Variants in NRXN3 observed in about 807,000 individuals in gnomAD.
The protein encoded by NRXN3 is neurexin 3, also known as neurexin III.
A neutral mutation model predicts 137.6 loss-of-function variants in NRXN3; 32 were observed. That is an observed-to-expected ratio of 0.23 (90% CI 0.18 to 0.31). The LOEUF (loss-of-function observed/expected upper bound fraction) is 0.31. NRXN3 is among the 10% of genes least tolerant of loss of function. NRXN3 has a pLI of 1.00. For synonymous variants in NRXN3, 798 were observed against 784.5 expected, an observed-to-expected ratio of 1.02 and a Z score of -0.29; for missense variants, 1,574 against 2,062.5, an observed-to-expected ratio of 0.76 and a Z score of 4.59.
At chr14:78,345,569 C>A (rs1229968699) in intron 4 of NRXN3, among the ~76,000 whole-genome samples, 2 of 152,140 alleles carry the variant, frequency 1.3e-5, no homozygotes, top group African/African-American at 4.8e-5. Context: ...GACAAAGGGG[C>A]AGGGGCTTAA....
chr14:79,736,283 G>C (rs1289825622), intron 19 of NRXN3, among the ~76,000 whole-genome samples: 4 of 152,126 alleles, frequency 2.6e-5, no homozygotes, highest in African/African-American at 9.7e-5. Flanking sequence ...GTACTTATAA[G>C]GGTGAGTTTC....
At chr14:79,080,062 A>G (rs2046671889) in intron 15 of NRXN3, among the ~76,000 whole-genome samples, 2 of 152,170 alleles carry the variant, frequency 1.3e-5, no homozygotes, top group African/African-American at 4.8e-5. Context: ...TATGCCATTC[A>G]GTCTGATTAA....
At chr14:78,891,947 A>G (rs1368021011) in intron 10 of NRXN3, among the ~76,000 whole-genome samples, 1 of 152,008 alleles carries the variant, frequency 6.6e-6, no homozygotes, top group African/African-American at 2.4e-5. Flanking sequence ...ATGGAAATAC[A>G]AAGACAGAAT....
At chr14:78,309,633 G>T (rs1001131276) in intron 4 of NRXN3, among the ~76,000 whole-genome samples, 1 of 152,070 alleles carries the variant, frequency 6.6e-6, no homozygotes, top group East Asian at 1.9e-4. Flanking sequence ...CAGAGCCTTT[G>T]TTATGGCAAT....
At chr14:78,466,167 C>T (rs2095100840) in intron 4 of NRXN3, among the ~76,000 whole-genome samples, 1 of 152,090 alleles carries the variant, frequency 6.6e-6, no homozygotes, top group Admixed American at 6.5e-5. Flanking sequence ...GAAGTGTTAT[C>T]CTAACTACAA....
At chr14:79,448,168 C>G (rs1239862787) in intron 15 of NRXN3, among the ~76,000 whole-genome samples, 1 of 152,166 alleles carries the variant, frequency 6.6e-6, no homozygotes, top group Non-Finnish European at 1.5e-5. Context: ...AAGCCAAGCA[C>G]CCTTTAACTT....
intron 1 of NRXN3, among the ~76,000 whole-genome samples, chr14:78,174,275 C>A (rs1242477568): frequency 6.6e-6 from 1 of 152,116 alleles, no homozygotes; most frequent in African/African-American, 2.4e-5. Context: ...GATGCCTGGA[C>A]AGTAGAGCCA....
At chr14:78,300,789 T>A in intron 4 of NRXN3, 1 of 777,010 alleles carries the variant, frequency 1.3e-6, no homozygotes, top group South Asian at 1.7e-5. Flanking sequence ...CAGTCCAGAT[T>A]ATAAATTAAT....
intron 4 of NRXN3, among the ~76,000 whole-genome samples, chr14:78,394,490 GT>G (rs1393357631): frequency 6.6e-6 from 1 of 151,558 alleles, no homozygotes; most frequent in African/African-American, 2.4e-5. Context: ...TTTTGTTAAG[GT>G]TTTTTGTGTC....
chr14:79,739,499 C>G (rs1350150133), intron 19 of NRXN3, among the ~76,000 whole-genome samples: 4 of 151,650 alleles, frequency 2.6e-5, no homozygotes, highest in African/African-American at 9.7e-5. Flanking sequence ...CAAAAATTAG[C>G]CAGGCATGGT....
At chr14:79,082,844 A>G (rs2047332547) in intron 15 of NRXN3, among the ~76,000 whole-genome samples, 1 of 152,218 alleles carries the variant, frequency 6.6e-6, no homozygotes, top group Admixed American at 6.5e-5. Flanking sequence ...TCAAACTCAG[A>G]TAATTAAATT....
chr14:78,513,419 A>G (rs940452225), intron 4 of NRXN3, among the ~76,000 whole-genome samples: 2 of 152,172 alleles, frequency 1.3e-5, no homozygotes, highest in Non-Finnish European at 2.9e-5. Context: ...AGGGTAGATT[A>G]GAGAGCAGGA....
intron 15 of NRXN3, among the ~76,000 whole-genome samples, chr14:79,121,050 G>T (rs2055336875): frequency 6.6e-6 from 1 of 152,180 alleles, no homozygotes; most frequent in Admixed American, 6.5e-5. Flanking sequence ...ATGGAATGCA[G>T]CAAAGAGGAG....
At chr14:78,309,637 T>C (rs1330334416) in intron 4 of NRXN3, among the ~76,000 whole-genome samples, 2 of 152,158 alleles carry the variant, frequency 1.3e-5, no homozygotes, top group Admixed American at 1.3e-4. Context: ...GCCTTTGTTA[T>C]GGCAATGCAA....
chr14:79,310,353 A>C, intron 15 of NRXN3, among the ~76,000 whole-genome samples: 1 of 83,058 alleles, frequency 1.2e-5, no homozygotes. Context: ...GTATAGTTTG[A>C]AGTCAGGTAG....
At chr14:78,664,618 G>A (rs2097866397) in intron 6 of NRXN3, among the ~76,000 whole-genome samples, 1 of 152,150 alleles carries the variant, frequency 6.6e-6, no homozygotes, top group African/African-American at 2.4e-5. Flanking sequence ...CACTTTAGTG[G>A]AATTGTTTTC....
At chr14:78,406,111 G>T (rs1477812192) in intron 4 of NRXN3, among the ~76,000 whole-genome samples, 1 of 152,202 alleles carries the variant, frequency 6.6e-6, no homozygotes, top group Admixed American at 6.5e-5. Context: ...CATGCTAAGG[G>T]CTAGGAAGTT....
chr14:79,269,767 G>A (rs2079025294), intron 15 of NRXN3, among the ~76,000 whole-genome samples: 1 of 152,076 alleles, frequency 6.6e-6, no homozygotes, highest in African/African-American at 2.4e-5. Flanking sequence ...TCAGATCACA[G>A]AAACAGTAGC....
At chr14:78,524,249 G>C (rs1241235582) in intron 4 of NRXN3, among the ~76,000 whole-genome samples, 3 of 152,088 alleles carry the variant, frequency 2.0e-5, no homozygotes, top group African/African-American at 7.2e-5. Context: ...GTGGAGTTCT[G>C]TCAGGGCCAC....
Sources: gnomAD v4.1 joint callset for allele counts (sites outside exome capture counted in the v4.1 genomes callset) on GRCh38, gnomAD v4.1.1 for gene constraint, MANE v1.5 for transcripts, NCBI Gene and HGNC (gene_info 2026-07-23, HGNC 2026-07-21) for gene names.